KAT6A: variants seen among roughly 807,000 people sequenced by gnomAD.
KAT6A encodes lysine acetyltransferase 6A, also known as histone acetyltransferase KAT6A.
Under a neutral mutation model 198.4 loss-of-function variants are expected in KAT6A, and 9 were observed. The ratio of observed to expected loss-of-function variants is 0.05; its 90% CI spans 0.03 to 0.08. The LOEUF is 0.08. KAT6A is among the 10% of genes least tolerant of loss of function. The probability of loss-of-function intolerance (pLI) is 1.00; values close to 1 mark genes in which losing one functional copy is unlikely to be tolerated. For synonymous variants in KAT6A, 890 were observed against 883.0 expected, an observed-to-expected ratio of 1.01 and a Z score of -0.14; for missense variants, 2,077 against 2,509.9, an observed-to-expected ratio of 0.83 and a Z score of 3.69.
At chr8:41,975,791 T>TA (rs1173625594) in intron 7 of KAT6A, among the ~76,000 whole-genome samples, 5 of 152,230 alleles carry the variant, frequency 3.3e-5, no homozygotes, top group African/African-American at 1.2e-4. Context: ...GTTCTCCATA[T>TA]ACTTGATACA....
intron 2 of KAT6A, among the ~76,000 whole-genome samples, chr8:42,010,003 A>G (rs980368142): frequency 6.6e-6 from 1 of 152,046 alleles, no homozygotes; most frequent in African/African-American, 2.4e-5. Context: ...AAAAATAAAT[A>G]AATAAATAAA....
At chr8:41,995,674 C>CTTTT (rs10710765) in intron 2 of KAT6A, among the ~76,000 whole-genome samples, 25 of 103,044 alleles carry the variant, frequency 2.4e-4, no homozygotes, top group South Asian at 3.2e-4. Flanking sequence ...ATTTTCATTT[C>CTTTT]TTTTTTTTTT....
intron 10 of KAT6A, 67 bp from the exon 11 acceptor site, chr8:41,947,979 G>C (rs1385477379): frequency 1.6e-6 from 2 of 1,288,172 alleles, no homozygotes; most frequent in African/African-American, 1.5e-5. Flanking sequence ...ATATGTATCA[G>C]TTAAAAGCAT....
intron 2 of KAT6A, among the ~76,000 whole-genome samples, chr8:42,018,029 G>C (rs1826355348): frequency 6.6e-6 from 1 of 152,190 alleles, no homozygotes; most frequent in Admixed American, 6.5e-5. Flanking sequence ...AAATGAGACA[G>C]ATATAGGAGG....
intron 8 of KAT6A, among the ~76,000 whole-genome samples, chr8:41,966,165 T>C (rs1823478870): frequency 6.6e-6 from 1 of 152,040 alleles, no homozygotes; most frequent in Admixed American, 6.6e-5. Flanking sequence ...GAGTGCCAAA[T>C]AAATGTGAGC....
intron 5 of KAT6A, 76 bp from the exon 6 acceptor site, chr8:41,978,853 AG>A: frequency 7.2e-7 from 1 of 1,391,310 alleles, no homozygotes; most frequent in Non-Finnish European, 9.9e-7. Context: ...GTCTTAAGTC[AG>A]GATCTTAACT....
intron 2 of KAT6A, among the ~76,000 whole-genome samples, chr8:42,027,920 T>C (rs1587842790): frequency 6.6e-6 from 1 of 152,214 alleles, no homozygotes; most frequent in African/African-American, 2.4e-5. Context: ...TTATTGGCTG[T>C]AAACTTCCCT....
chr8:42,040,735 C>CA (rs59959496), intron 2 of KAT6A, among the ~76,000 whole-genome samples: 12,379 of 54,506 alleles, frequency 0.23, 2,466 homozygotes, highest in African/African-American at 0.27. Context: ...GACTCTGTCT[C>CA]AAAAAAAAAA....
chr8:41,944,562 C>G (rs957024552), intron 12 of KAT6A, among the ~76,000 whole-genome samples: 5 of 152,038 alleles, frequency 3.3e-5, no homozygotes, highest in African/African-American at 1.2e-4. Flanking sequence ...GGCCTAACTT[C>G]TAAGGAAAAG....
chr8:42,048,339 C>T, intron 2 of KAT6A, 39 bp downstream of exon 2: 1 of 1,595,910 alleles, frequency 6.3e-7, no homozygotes, highest in South Asian at 1.1e-5. Flanking sequence ...CATCCTATAT[C>T]ATCAGCTCTA....
intron 2 of KAT6A, among the ~76,000 whole-genome samples, chr8:41,992,745 A>G (rs1333332372): frequency 6.6e-6 from 1 of 152,206 alleles, no homozygotes; most frequent in Non-Finnish European, 1.5e-5. Context: ...GGGAAGCTAG[A>G]GGGAAGACTG....
intron 2 of KAT6A, among the ~76,000 whole-genome samples, chr8:41,993,464 A>G (rs775241013): frequency 1.3e-5 from 2 of 152,254 alleles, no homozygotes; most frequent in Non-Finnish European, 1.5e-5. Context: ...AACAGTTTTC[A>G]GTCACACATG....
At chr8:42,024,295 C>A (rs1479752000) in intron 2 of KAT6A, among the ~76,000 whole-genome samples, 2 of 152,116 alleles carry the variant, frequency 1.3e-5, no homozygotes, top group Non-Finnish European at 2.9e-5. Flanking sequence ...GGTGTAGAAA[C>A]TGTTCAGCGC....
chr8:41,936,844 C>G (rs1163271397), intron 16 of KAT6A, among the ~76,000 whole-genome samples: 1 of 152,202 alleles, frequency 6.6e-6, no homozygotes, highest in Admixed American at 6.5e-5. Context: ...ACACTACTTA[C>G]TGAGCGCCGG....
chr8:42,013,056 A>T (rs1826094763), intron 2 of KAT6A, among the ~76,000 whole-genome samples: 1 of 151,786 alleles, frequency 6.6e-6, no homozygotes, highest in African/African-American at 2.4e-5. Context: ...GAGGGTGATG[A>T]CTACAAAAGT....
At chr8:41,986,957 G>A (rs866542595) in intron 3 of KAT6A, among the ~76,000 whole-genome samples, 1 of 152,146 alleles carries the variant, frequency 6.6e-6, no homozygotes, top group Non-Finnish European at 1.5e-5. Context: ...AAAATTGCTT[G>A]AACTCAGGAG....
At chr8:42,010,791 G>A (rs1201352150) in intron 2 of KAT6A, among the ~76,000 whole-genome samples, 1 of 152,146 alleles carries the variant, frequency 6.6e-6, no homozygotes, top group Non-Finnish European at 1.5e-5. Context: ...TCTACTATGT[G>A]CCCAACCATT....
At chr8:41,969,046 T>C (rs1351335818) in intron 8 of KAT6A, among the ~76,000 whole-genome samples, 1 of 152,302 alleles carries the variant, frequency 6.6e-6, no homozygotes, top group Non-Finnish European at 1.5e-5. Flanking sequence ...CTATAAGCTC[T>C]AAGAGAACAG....
chr8:41,940,901 GCTC>G lies in KAT6A; in HGVS notation c.2977_2979del (p.Glu993del), dbSNP rs139076845. 2.2e-5 allele frequency: 35 copies of G among 1,610,224 alleles called. No individual in the cohort carries two copies. The highest frequency in any genetic ancestry group is 2.0e-4 in the African/African-American group (15 of 74,932). On this transcript the variant is annotated inframe_deletion, in exon 15 of 17. Coordinates refer to ENST00000265713, the MANE Select transcript of KAT6A (RefSeq NM_006766.5). ...GGCGAGCTTGACCGAGGGCTTTCCGGCTCCTCCTCCTCCTCGCTGCTCTCACTG... is the reference window on the plus strand; with the variant it reads ...GGCGAGCTTGACCGAGGGCTTTCCGGCTCCTCCTCCTCGCTGCTCTCACTG...
Sources: allele counts gnomAD v4.1 joint callset (sites outside exome capture counted in the v4.1 genomes callset), GRCh38; gene constraint gnomAD v4.1.1; transcripts MANE v1.5; gene names NCBI Gene and HGNC (gene_info 2026-07-23, HGNC 2026-07-21).